Variants in ARHGEF10 observed in about 807,000 individuals in gnomAD.
The protein encoded by ARHGEF10 is Rho guanine nucleotide exchange factor 10, also known as Rho guanine nucleotide exchange factor (GEF) 10.
In ARHGEF10, 140 loss-of-function variants were observed where a neutral mutation model predicts 147.4. The observed-to-expected ratio is 0.95, with a 90% CI of 0.83 to 1.09. The LOEUF (loss-of-function observed/expected upper bound fraction) is 1.09. ARHGEF10 is among the 50% of genes least tolerant of loss of function. The pLI is 0.00. For synonymous variants in ARHGEF10, 902 were observed against 695.8 expected (o/e 1.30, Z -4.67); for missense variants, 2,222 against 1,752.7 (o/e 1.27, Z -4.78).
At chr8:1,944,680 T>C (rs1814417085) in intron 26 of ARHGEF10, among the ~76,000 whole-genome samples, 1 of 152,230 alleles carries the variant, frequency 6.6e-6, no homozygotes, top group Non-Finnish European at 1.5e-5. Context: ...ATCGTGAGTT[T>C]CTTTAATTTC....
chr8:1,939,180 A>G (rs900726521), intron 26 of ARHGEF10, among the ~76,000 whole-genome samples: 3 of 152,222 alleles, frequency 2.0e-5, no homozygotes, highest in Admixed American at 1.3e-4. Context: ...GAATCACACA[A>G]TTTCAAGGCA....
intron 2 of ARHGEF10, among the ~76,000 whole-genome samples, chr8:1,850,506 G>A (rs1281612844): frequency 3.4e-5 from 5 of 146,554 alleles, no homozygotes; most frequent in South Asian, 2.2e-4. Flanking sequence ...TGGGCCACCC[G>A]CGTGGACACA....
chr8:1,860,307 T>C (rs1806002696), intron 4 of ARHGEF10, 123 bp downstream of exon 4: 23 of 1,377,884 alleles, frequency 1.7e-5, no homozygotes, highest in Non-Finnish European at 2.1e-5. Context: ...TTCCGTAGAG[T>C]CCGGGCCTGA....
Position 1,864,814 on chromosome 8 carries a change from C to G in ARHGEF10, c.545+378C>G, listed in dbSNP as rs534530354. ...GGGTGGGGTATCTGGGGAGCAGCAG[C>G]CACTAGAGCAGTGCTCTTGCCCCAG... On this transcript the variant is annotated intron_variant, in intron 5 of 28. Coordinates refer to ENST00000349830, the MANE Select transcript of ARHGEF10 (RefSeq NM_014629.4). Among the ~76,000 whole-genome samples, 8 of 152,306 alleles carry G rather than the reference C, an allele frequency of 5.3e-5. No homozygotes were observed. In the East Asian group the frequency reaches 1.5e-3, roughly 29 times the overall value.
intron 1 of ARHGEF10, among the ~76,000 whole-genome samples, chr8:1,839,136 C>T (rs1309482182): frequency 2.7e-5 from 4 of 148,712 alleles, no homozygotes. Context: ...GGTGTGGAAA[C>T]TGTCTGGTAT....
At chr8:1,833,081 GAC>G (rs1563149595) in intron 1 of ARHGEF10, among the ~76,000 whole-genome samples, 3 of 67,426 alleles carry the variant, frequency 4.4e-5, no homozygotes, top group African/African-American at 1.2e-4. Context: ...GAGGCAGAGA[GAC>G]AGAGACAGAG....
chr8:1,908,332 G>A lies in ARHGEF10; in HGVS notation c.1968-963G>A, dbSNP rs548766090. Among the ~76,000 whole-genome samples, 14 of 146,860 alleles carry A rather than the reference G, an allele frequency of 9.5e-5. No individual in the cohort carries two copies. In the East Asian group the frequency reaches 2.0e-3, roughly 21 times the overall value. ...TGCAAGCTCTGCCTCCCGGGTTCAC[G>A]CCATTCTCCTGCCTCAGCCTCCCTA... On this transcript the variant is annotated intron_variant, in intron 17 of 28. Coordinates refer to ENST00000349830, the MANE Select transcript of ARHGEF10 (RefSeq NM_014629.4).
At chr8:1,888,759 A>AG (rs147685853) in intron 11 of ARHGEF10, among the ~76,000 whole-genome samples, 1,081 of 38,880 alleles carry the variant, frequency 0.028, 451 homozygotes, top group East Asian at 0.24. Flanking sequence ...GAATAGGGTG[A>AG]GGTTTGTGAG....
intron 7 of ARHGEF10, among the ~76,000 whole-genome samples, chr8:1,875,299 A>G (rs1807598078): frequency 6.6e-6 from 1 of 151,652 alleles, no homozygotes; most frequent in African/African-American, 2.4e-5. Context: ...AACAGTGGAG[A>G]CACACACTGG....
At chr8:1,915,887 G>T (rs1811726094) in intron 18 of ARHGEF10, among the ~76,000 whole-genome samples, 1 of 152,228 alleles carries the variant, frequency 6.6e-6, no homozygotes, top group African/African-American at 2.4e-5. Flanking sequence ...GCTGACCTGT[G>T]AACTTAGACG....
chr8:1,940,697 GTGAGCA>G (rs1814018483), intron 26 of ARHGEF10, among the ~76,000 whole-genome samples: 1 of 152,206 alleles, frequency 6.6e-6, no homozygotes, highest in Non-Finnish European at 1.5e-5. Flanking sequence ...GGTATCCACT[GTGAGCA>G]CGGATGCAAA....
chr8:1,837,375 A>T (rs1219668220), intron 1 of ARHGEF10, among the ~76,000 whole-genome samples: 1 of 152,258 alleles, frequency 6.6e-6, no homozygotes, highest in Non-Finnish European at 1.5e-5. Context: ...AAAAAGGGCC[A>T]GGCATAGAAA....
At chr8:1,824,423 C>G (rs1251450538) in intron 1 of ARHGEF10, among the ~76,000 whole-genome samples, 1 of 151,964 alleles carries the variant, frequency 6.6e-6, no homozygotes, top group Non-Finnish European at 1.5e-5. Context: ...GCCCGAGGGG[C>G]GAGCTGGCTT....
In ARHGEF10 at chr8:1,860,121, C is replaced by T; in HGVS notation, c.418C>T (p.Pro140Ser). The change falls in exon 4 of 29, where the codon CCC (proline) becomes TCC (serine). Residue 140 changes from proline to serine, a missense_variant. By Grantham distance (74) the Pro-to-Ser change is moderately conservative (BLOSUM62 -1). Coordinates refer to ENST00000349830, the MANE Select transcript of ARHGEF10 (RefSeq NM_014629.4). ...PCGYAVPSNL[P>S]LLLPAYSSPV... is the part of the protein sequence containing the mutation. Reference sequence around the variant, plus strand: ...CGGCTATGCGGTGCCCTCCAACCTGCCCCTCCTGCTGCCCGCCTACTCCAG... The same window carrying T: ...CGGCTATGCGGTGCCCTCCAACCTGTCCCTCCTGCTGCCCGCCTACTCCAG... The T allele has an allele frequency of 1.2e-6, 2 of 1,614,068 alleles. No individual in the cohort carries two copies. Among genetic ancestry groups the T allele is most frequent in the Non-Finnish European group, 1.7e-6 (2 of 1,180,008 alleles).
chr8:1,945,187 AG>A (rs1418046045), intron 26 of ARHGEF10, among the ~76,000 whole-genome samples: 8 of 152,198 alleles, frequency 5.3e-5, no homozygotes, highest in Non-Finnish European at 1.5e-5. Flanking sequence ...TCCCCTCGCC[AG>A]CCTGCCCATG....
intron 27 of ARHGEF10, among the ~76,000 whole-genome samples, chr8:1,947,427 G>A (rs188365377): frequency 2.0e-5 from 3 of 152,170 alleles, no homozygotes; most frequent in Admixed American, 1.3e-4. Context: ...ATCCCTCTCC[G>A]GGTGGGATCA....
chr8:1,849,144 G>T (rs919972253), intron 2 of ARHGEF10, among the ~76,000 whole-genome samples: 13 of 152,322 alleles, frequency 8.5e-5, no homozygotes, highest in Middle Eastern at 3.4e-3. Context: ...GTACCCTTTT[G>T]CTCATTAAGA....
At chr8:1,832,653 GAGAGAC>G (rs1165791464) in intron 1 of ARHGEF10, among the ~76,000 whole-genome samples, 4 of 124,052 alleles carry the variant, frequency 3.2e-5, no homozygotes, top group South Asian at 3.0e-4. Context: ...CAGAGACAGA[GAGAGAC>G]AGAGGCAGAG....
At chr8:1,894,277 G>T in intron 12 of ARHGEF10, 116 bp from the exon 13 acceptor site, 1 of 1,051,482 alleles carries the variant, frequency 9.5e-7, no homozygotes. Context: ...TTGAGCCCAG[G>T]AGTTTGAGGC....
Sources: gnomAD v4.1 joint callset for allele counts (sites outside exome capture counted in the v4.1 genomes callset) on GRCh38, gnomAD v4.1.1 for gene constraint, MANE v1.5 for transcripts, NCBI Gene and HGNC (gene_info 2026-07-23, HGNC 2026-07-21) for gene names.